The following TEAD2 variants were observed in gnomAD, a reference collection of about 807,000 sequenced individuals.
TEAD2 encodes the protein TEA domain transcription factor 2.
Under a neutral mutation model 61.4 loss-of-function variants are expected in TEAD2, and 51 were observed. That is an observed-to-expected ratio of 0.83 (90% CI 0.66 to 1.05). TEAD2 has a LOEUF of 1.05. Among genes scored for constraint, TEAD2 ranks in the 50% least tolerant of loss-of-function variants. The pLI is 0.00. For missense variants in TEAD2, 509 were observed against 600.0 expected (o/e 0.85, Z 1.58); for synonymous variants, 244 against 243.2 (o/e 1.00, Z -0.03).
At position 49,348,763 on chromosome 19, in the gene TEAD2, G is replaced by A. The variant is rs139134103; in HGVS notation, c.687C>T (p.Thr229=). Residue 229 remains threonine (T), a synonymous_variant, in exon 9 of 13, where the codon ACC becomes ACT. Coordinates refer to ENST00000593945, the MANE Select transcript of TEAD2 (RefSeq NM_001256660.2). ...AGAACTCTACCAGCTGCAACCGGGC[G>A]GTGCCCAGGCCCCGAGCCTGCCAGG... ...PPAWQARGLG[T]ARLQLVEFSA... 195 of 1,613,914 alleles carry A rather than the reference G, an allele frequency of 1.2e-4. No individual in the cohort carries two copies. Among genetic ancestry groups the A allele is most frequent in the Non-Finnish European group, 1.5e-4 (173 of 1,179,940 alleles).
chr19:49,359,060 G>A lies in TEAD2; in HGVS notation c.297+375C>T, dbSNP rs1972613539. Among the ~76,000 whole-genome samples the A allele has an allele frequency of 6.6e-6, 1 of 151,202 alleles. No homozygotes were observed. Among genetic ancestry groups the A allele is most frequent in the African/African-American group, 2.4e-5 (1 of 41,230 alleles). On this transcript the variant is annotated intron_variant, in intron 3 of 12. Transcript: ENST00000593945. The surrounding 1 kb of genome is among the most constrained non-coding windows in gnomAD (Gnocchi z 4.1). ...TCGAGACCAGCCTGGACAACATGGT[G>A]AAACCCCATCTCTACTAAAAATACA...
chr19:49,343,204 C>A (rs1024879539), intron 11 of TEAD2, 27 bp downstream of exon 11: 27 of 1,590,044 alleles, frequency 1.7e-5, no homozygotes, highest in Non-Finnish European at 2.1e-5. Context: ...CAAGTGCTGA[C>A]CCAGAGCTCC....
intron 1 of TEAD2, among the ~76,000 whole-genome samples, 194 bp downstream of exon 1, chr19:49,362,139 T>G (rs1322195294): frequency 1.3e-5 from 2 of 152,092 alleles, no homozygotes; most frequent in Non-Finnish European, 2.9e-5. Flanking sequence ...CACCCGCTCC[T>G]GCGCGCACGC....
rs1273572597 is a variant in TEAD2 at position 49,343,245 on chromosome 19, C to T, written c.1075G>A (p.Val359Met). 1.2e-6 allele frequency: 2 copies of T among 1,611,638 alleles called. No individual in the cohort carries two copies. Among genetic ancestry groups the T allele is most frequent in the African/African-American group, 1.3e-5 (1 of 74,842 alleles). Reference sequence around the variant, plus strand: ...TCCAGCCTCACCTCCACCTTCTCCACCACCTGCTTGCCAAAAGAGCAGACC... The same window carrying T: ...TCCAGCCTCACCTCCACCTTCTCCATCACCTGCTTGCCAAAAGAGCAGACC... ...SKVCSFGKQV[V>M]EKVETERAQL... is the part of the protein sequence containing the mutation. Residue 359 changes from valine to methionine, a missense_variant, in exon 11 of 13, where the codon GTG (valine) becomes ATG (methionine). Coordinates refer to ENST00000593945, the MANE Select transcript of TEAD2 (RefSeq NM_001256660.2).
chr19:49,356,165 C>T, intron 4 of TEAD2, 195 bp from the exon 5 acceptor site: 2 of 399,478 alleles, frequency 5.0e-6, no homozygotes, highest in Non-Finnish European at 8.7e-6. Flanking sequence ...GCTCCCTGCC[C>T]AGAAAGACAG....
chr19:49,354,107 C>T (rs1281315947), intron 7 of TEAD2, among the ~76,000 whole-genome samples: 3 of 151,716 alleles, frequency 2.0e-5, no homozygotes, highest in Admixed American at 1.3e-4. Context: ...CCTCACTACA[C>T]TCTTTCTCTG....
At chr19:49,347,933 C>T (rs778963574) in intron 9 of TEAD2, among the ~76,000 whole-genome samples, 12 of 152,218 alleles carry the variant, frequency 7.9e-5, no homozygotes, top group Non-Finnish European at 1.3e-4. Context: ...CAGTGTGAAA[C>T]TACATTTCCC....
intron 1 of TEAD2, among the ~76,000 whole-genome samples, chr19:49,362,099 G>C (rs1225871254): frequency 6.6e-6 from 1 of 152,110 alleles, no homozygotes; most frequent in Admixed American, 6.5e-5. Context: ...GCAGACGCAC[G>C]CCCCACACCC....
At chr19:49,347,144 C>T (rs1199409900) in intron 10 of TEAD2, 46 bp downstream of exon 10, 1 of 1,601,624 alleles carries the variant, frequency 6.2e-7, no homozygotes, top group South Asian at 1.1e-5. Context: ...TTTGCTGGGA[C>T]ACCACAGGAT....
At position 49,359,748 on chromosome 19, in the gene TEAD2, G is replaced by A. The variant is rs754024677; in HGVS notation, c.232+96C>T. On this transcript the variant is annotated intron_variant, in intron 2 of 12. Transcript: ENST00000593945. This position sits in a 1 kb window ranked among gnomAD's most constrained non-coding sequence, Gnocchi z 4.1. ...CCTCAGTTTCCTCATCTGTGCAAAT[G>A]GTGATGCTAGCTCCTACTTCAGAGT... 34 of 1,295,174 alleles carry A rather than the reference G, an allele frequency of 2.6e-5. No individual in the cohort carries two copies. The highest frequency in any genetic ancestry group is 3.6e-5 in the Non-Finnish European group (33 of 916,970). 80.2% of individuals were successfully genotyped at this position (1,295,174 alleles called of 1,614,324 possible). A position where few individuals can be genotyped will look rare whatever the true frequency, so the allele number is the denominator to read the frequency against.
At chr19:49,358,867 C>A (rs895599827) in intron 3 of TEAD2, among the ~76,000 whole-genome samples, 2 of 151,898 alleles carry the variant, frequency 1.3e-5, no homozygotes, top group African/African-American at 4.8e-5. Context: ...TCCTGACCTC[C>A]TGATCCGCTC....
At position 49,355,182 on chromosome 19, in the gene TEAD2, A is replaced by G; in HGVS notation, c.505T>C (p.Ser169Pro). ...TTCCAGGGGGGCCCAGATCCTCCAGACCAAAACTGGAAAAGCTCAGAGGCC... is the reference window on the plus strand; with the variant it reads ...TTCCAGGGGGGCCCAGATCCTCCAGGCCAAAACTGGAAAAGCTCAGAGGCC... ...PQASELFQFWSGGSGPPWNVP... is the reference protein window; with the variant it reads ...PQASELFQFWPGGSGPPWNVP... The change falls in exon 7 of 13, where the codon TCT (serine) becomes CCT (proline). Residue 169 changes from serine to proline, a missense_variant. Coordinates refer to ENST00000593945, the MANE Select transcript of TEAD2 (RefSeq NM_001256660.2). 6.2e-7 allele frequency: 1 copy of G among 1,612,460 alleles called. No individual in the cohort carries two copies. The highest frequency in any genetic ancestry group is 8.5e-7 in the Non-Finnish European group (1 of 1,179,206).
At chr19:49,355,519 G>T in intron 5 of TEAD2, 100 bp from the exon 6 acceptor site, 2 of 1,012,616 alleles carry the variant, frequency 2.0e-6, no homozygotes, top group Non-Finnish European at 3.0e-6. Flanking sequence ...AGGTGCAGAG[G>T]TGGGGAGTCA....
chr19:49,353,023 T>C (rs1324929370), intron 7 of TEAD2, among the ~76,000 whole-genome samples: 1 of 152,096 alleles, frequency 6.6e-6, no homozygotes, highest in African/African-American at 2.4e-5. Flanking sequence ...TCTAGATTCC[T>C]GGAACCCAGA....
chr19:49,351,495 T>G (rs1600739852), intron 7 of TEAD2, 130 bp from the exon 8 acceptor site: 1 of 792,040 alleles, frequency 1.3e-6, no homozygotes, highest in Non-Finnish European at 2.0e-6. Context: ...AGCCTCACAG[T>G]GCGTGAGGTA....
intron 10 of TEAD2, 86 bp from the exon 11 acceptor site, chr19:49,343,484 A>T: frequency 6.8e-7 from 1 of 1,466,176 alleles, no homozygotes; most frequent in Non-Finnish European, 9.1e-7. Flanking sequence ...TCACACCTGT[A>T]ATCCCAGTAC....
chr19:49,354,366 T>C (rs1972234692), intron 7 of TEAD2, among the ~76,000 whole-genome samples: 1 of 151,990 alleles, frequency 6.6e-6, no homozygotes, highest in Non-Finnish European at 1.5e-5. Context: ...TAGCCAGGTG[T>C]GGTGGCACAT....
chr19:49,341,326 A>C lies in TEAD2; in HGVS notation c.1354T>G (p.Ter452GlyextTer42). The C allele has an allele frequency of 6.2e-7, 1 of 1,613,762 alleles. No homozygotes were observed. The highest frequency in any genetic ancestry group is 2.2e-5 in the East Asian group (1 of 44,860). The change falls in exon 13 of 13, where the codon TGA (stop) becomes GGA (glycine). Residue 452 changes from the stop codon to glycine (G), a stop_lost. Coordinates refer to ENST00000593945, the MANE Select transcript of TEAD2 (RefSeq NM_001256660.2). This position sits in a 1 kb window ranked among gnomAD's most constrained non-coding sequence, Gnocchi z 4.2. ...TGAGCCAGTTTTGGGGTCCCCCTTC[A>C]GTCCCTGACCAGGCGGTAAATGTGA... ...QHHIYRLVRD[*>G] is the part of the protein sequence containing the mutation.
At chr19:49,345,040 C>G (rs1473514583) in intron 10 of TEAD2, among the ~76,000 whole-genome samples, 2 of 152,198 alleles carry the variant, frequency 1.3e-5, no homozygotes, top group Non-Finnish European at 2.9e-5. Context: ...AACCAAAGAC[C>G]TTACCAGCTG....
Sources: allele counts gnomAD v4.1 joint callset (sites outside exome capture counted in the v4.1 genomes callset), GRCh38; gene constraint gnomAD v4.1.1; non-coding constraint Gnocchi (gnomAD v3.1); transcripts MANE v1.5; gene names NCBI Gene and HGNC (gene_info 2026-07-23, HGNC 2026-07-21).